TUSC3: variants seen among roughly 807,000 people sequenced by gnomAD.
The protein encoded by TUSC3 is tumor suppressor candidate 3.
Under a neutral mutation model 44.8 loss-of-function variants are expected in TUSC3, and 45 were observed. That is an observed-to-expected ratio of 1.00 (90% confidence interval 0.79 to 1.29). The LOEUF (loss-of-function observed/expected upper bound fraction) is 1.29, where lower values mean the gene tolerates loss of function less well. Ranked by LOEUF, TUSC3 falls within the 50% of genes most tolerant of loss-of-function variation. The pLI, the probability that TUSC3 is intolerant of heterozygous loss-of-function variation, is 0.00. For synonymous variants in TUSC3, 212 were observed against 152.9 expected, an observed-to-expected ratio of 1.39 and a Z score of -2.85; for missense variants, 519 against 437.9, an observed-to-expected ratio of 1.19 and a Z score of -1.65.
intron 5 of TUSC3, among the ~76,000 whole-genome samples, chr8:15,667,953 A>T (rs1162670741): frequency 6.6e-6 from 1 of 151,694 alleles, no homozygotes; most frequent in South Asian, 2.1e-4. Flanking sequence ...TTAAAGGAGG[A>T]TGCCTTGAGC....
At chr8:15,438,820 C>G (rs1563250994) in intron 1 of TUSC3, among the ~76,000 whole-genome samples, 1 of 152,096 alleles carries the variant, frequency 6.6e-6, no homozygotes, top group Admixed American at 6.5e-5. Context: ...GATATTATCC[C>G]CATCTCAAAG....
At chr8:15,791,429 T>C in the TUSC3 span, among the ~76,000 whole-genome samples, 2 of 152,174 alleles carry the variant, frequency 1.3e-5, no homozygotes, top group Non-Finnish European at 2.9e-5. Flanking sequence ...TGTTAATTTA[T>C]ATGCATAGCT....
chr8:15,824,674 G>T, the TUSC3 span, among the ~76,000 whole-genome samples: 1 of 151,994 alleles, frequency 6.6e-6, no homozygotes, highest in Non-Finnish European at 1.5e-5. Context: ...CGAGTTAATG[G>T]GTGCAGCACA....
chr8:15,571,779 A>C (rs1056785092), intron 1 of TUSC3, among the ~76,000 whole-genome samples: 7 of 152,132 alleles, frequency 4.6e-5, no homozygotes, highest in African/African-American at 1.7e-4. Context: ...TGCTCTATCA[A>C]CTAAGTTTAT....
chr8:15,613,312 A>G (rs984968006), intron 1 of TUSC3, among the ~76,000 whole-genome samples: 4 of 152,036 alleles, frequency 2.6e-5, no homozygotes, highest in African/African-American at 2.4e-5. Context: ...GATTGAAGGT[A>G]TTAATGAGAT....
intron 6 of TUSC3, among the ~76,000 whole-genome samples, chr8:15,719,174 C>T (rs1458086681): frequency 6.6e-6 from 1 of 152,038 alleles, no homozygotes; most frequent in African/African-American, 2.4e-5. Context: ...TTATGACTCA[C>T]CATGTAATTC....
At chr8:15,651,958 C>A (rs1019092266) in intron 3 of TUSC3, among the ~76,000 whole-genome samples, 1 of 152,096 alleles carries the variant, frequency 6.6e-6, no homozygotes, top group Non-Finnish European at 1.5e-5. Flanking sequence ...GTTACTGGCT[C>A]CATTTCATAG....
At chr8:15,846,891 C>A in the TUSC3 span, among the ~76,000 whole-genome samples, 13,859 of 131,158 alleles carry the variant, frequency 0.11, 1,062 homozygotes, top group East Asian at 0.22. Flanking sequence ...AAAAAAAAAA[C>A]ACACACACAA....
intron 1 of TUSC3, among the ~76,000 whole-genome samples, chr8:15,473,043 C>T (rs1211602930): frequency 2.6e-5 from 4 of 152,184 alleles, no homozygotes; most frequent in African/African-American, 9.7e-5. Context: ...ACAATATATG[C>T]TGCCTTCATG....
intron 9 of TUSC3, among the ~76,000 whole-genome samples, chr8:15,753,023 A>G (rs1811770417): frequency 6.6e-6 from 1 of 152,048 alleles, no homozygotes; most frequent in South Asian, 2.1e-4. Flanking sequence ...GACAAAATCT[A>G]CTTATTAAAC....
the TUSC3 span, among the ~76,000 whole-genome samples, chr8:15,836,539 G>C: frequency 6.6e-6 from 1 of 151,312 alleles, no homozygotes; most frequent in Non-Finnish European, 1.5e-5. Flanking sequence ...ATGGTTCTCT[G>C]TCTTACCCTT....
At chr8:15,502,327 C>G (rs370171379) in intron 2 of TUSC3, among the ~76,000 whole-genome samples, 12 of 152,190 alleles carry the variant, frequency 7.9e-5, no homozygotes, top group East Asian at 3.9e-4. Flanking sequence ...TTTTGAAGTT[C>G]AATTATATCA....
chr8:15,791,701 A>G, the TUSC3 span, among the ~76,000 whole-genome samples: 1 of 152,190 alleles, frequency 6.6e-6, no homozygotes, highest in Non-Finnish European at 1.5e-5. Flanking sequence ...TGAAGGTGAG[A>G]AATTAAGAAA....
rs528823445 is a variant in TUSC3 at position 15,545,105 on chromosome 8, A to G, written c.138+4537A>G. On this transcript the variant is annotated intron_variant, in intron 1 of 10. Coordinates refer to ENST00000503731, the MANE Select transcript of TUSC3 (RefSeq NM_006765.4). ...TTTTAAAACAAGGAAATTAAAATTC[A>G]GAGAGTTTGTCATATGCCTGATGTC... Among the ~76,000 whole-genome samples the G allele has an allele frequency of 8.6e-5, 13 of 151,914 alleles. No homozygotes were observed. The South Asian group carries it at 2.7e-3, about 32-fold the overall frequency.
At chr8:15,798,474 C>T in the TUSC3 span, among the ~76,000 whole-genome samples, 1 of 152,146 alleles carries the variant, frequency 6.6e-6, no homozygotes, top group Non-Finnish European at 1.5e-5. Context: ...CTTCTGTCTC[C>T]ATAAAGTCGC....
At chr8:15,703,445 C>T (rs559388085) in intron 6 of TUSC3, among the ~76,000 whole-genome samples, 2 of 152,158 alleles carry the variant, frequency 1.3e-5, no homozygotes, top group African/African-American at 4.8e-5. Flanking sequence ...ATTTTTTAAA[C>T]ATTCATTAGT....
chr8:15,699,871 A>C (rs775652749), intron 6 of TUSC3, among the ~76,000 whole-genome samples: 1 of 152,198 alleles, frequency 6.6e-6, no homozygotes, highest in African/African-American at 2.4e-5. Flanking sequence ...AACAAGTGCT[A>C]TAGAAGGAAG....
intron 6 of TUSC3, among the ~76,000 whole-genome samples, chr8:15,691,095 A>C (rs945927164): frequency 5.9e-5 from 9 of 151,870 alleles, no homozygotes; most frequent in South Asian, 2.1e-4. Context: ...TGCTTTGGGC[A>C]GTGTGGCCAT....
chr8:15,457,730 A>T (rs1005808429), intron 1 of TUSC3, among the ~76,000 whole-genome samples: 66 of 148,762 alleles, frequency 4.4e-4, no homozygotes, highest in African/African-American at 1.6e-3. Flanking sequence ...CTAATAAAAT[A>T]AAATATCTAA....
Sources: allele counts gnomAD v4.1 joint callset (sites outside exome capture counted in the v4.1 genomes callset), GRCh38; gene constraint gnomAD v4.1.1; transcripts MANE v1.5; gene names NCBI Gene and HGNC (gene_info 2026-07-23, HGNC 2026-07-21).